The following CFAP299 variants were observed in gnomAD, a reference collection of about 807,000 sequenced individuals.
The protein encoded by CFAP299 is cilia and flagella associated protein 299, also known as cilia- and flagella-associated protein 299.
Under a neutral mutation model 27.0 loss-of-function variants are expected in CFAP299, and 21 were observed. That is an observed-to-expected ratio of 0.78 (90% CI 0.55 to 1.12). The LOEUF is 1.12. CFAP299 is among the 50% of genes most tolerant of loss of function. CFAP299 has a pLI of 0.00. For missense variants in CFAP299, 310 were observed against 276.6 expected, an observed-to-expected ratio of 1.12 and a Z score of -0.86; for synonymous variants, 104 against 98.1, an observed-to-expected ratio of 1.06 and a Z score of -0.36.
At chr4:80,871,467 C>T (rs1284877043) in intron 4 of CFAP299, 2 of 985,260 alleles carry the variant, frequency 2.0e-6, no homozygotes, top group East Asian at 2.3e-4. Flanking sequence ...GGTTTCCAAA[C>T]TCAATTGAGT....
intron 2 of CFAP299, among the ~76,000 whole-genome samples, chr4:80,374,815 AT>A (rs1724324027): frequency 1.3e-5 from 2 of 151,980 alleles, no homozygotes; most frequent in African/African-American, 4.8e-5. Context: ...GAAATATCCT[AT>A]TGGCTAGGGA....
intron 5 of CFAP299, among the ~76,000 whole-genome samples, chr4:80,961,810 A>G (rs576417405): frequency 6.6e-6 from 1 of 152,066 alleles, no homozygotes; most frequent in Non-Finnish European, 1.5e-5. Flanking sequence ...ATAACAACCA[A>G]TAAAAATAAA....
chr4:80,395,978 TTCTC>T (rs1333249986), intron 2 of CFAP299, among the ~76,000 whole-genome samples: 3 of 152,122 alleles, frequency 2.0e-5, no homozygotes, highest in Non-Finnish European at 4.4e-5. Flanking sequence ...CACAATGTCT[TTCTC>T]TCCTTTCTTT....
At chr4:80,850,867 A>T (rs921267449) in intron 3 of CFAP299, among the ~76,000 whole-genome samples, 1 of 152,126 alleles carries the variant, frequency 6.6e-6, no homozygotes, top group African/African-American at 2.4e-5. Context: ...AAGCAAAGAC[A>T]TGGTTTGAGA....
rs566487741 is a variant in CFAP299 at position 80,864,470 on chromosome 4, C to A, written c.334-5523C>A. On this transcript the variant is annotated intron_variant, in intron 3 of 5. Coordinates refer to ENST00000358105, the MANE Select transcript of CFAP299 (RefSeq NM_152770.3). ...TATACCTATATAAGTATATATATAC[C>A]TATGTGTATACATATATACACATAT... Among the ~76,000 whole-genome samples, 13 of 133,312 alleles carry A rather than the reference C, an allele frequency of 9.8e-5. No individual in the cohort carries two copies. In the South Asian group the frequency reaches 2.6e-3, roughly 27 times the overall value. 87.5% of individuals were successfully genotyped at this position (133,312 alleles called of 152,430 possible).
chr4:80,562,125 A>C (rs748414884), intron 2 of CFAP299, among the ~76,000 whole-genome samples: 2 of 152,158 alleles, frequency 1.3e-5, no homozygotes, highest in Non-Finnish European at 2.9e-5. Context: ...TAGTAACCTC[A>C]AGTAAAAAAA....
chr4:80,526,831 A>G (rs1733205943), intron 2 of CFAP299, among the ~76,000 whole-genome samples: 1 of 152,192 alleles, frequency 6.6e-6, no homozygotes, highest in Non-Finnish European at 1.5e-5. Flanking sequence ...CGTTATACAC[A>G]TCATAAGAGC....
At chr4:80,463,965 C>A (rs1196990198) in intron 2 of CFAP299, among the ~76,000 whole-genome samples, 5 of 152,276 alleles carry the variant, frequency 3.3e-5, no homozygotes, top group Non-Finnish European at 7.4e-5. Context: ...CATTTCATTT[C>A]TAAAGTTAAA....
intron 3 of CFAP299, among the ~76,000 whole-genome samples, chr4:80,675,392 G>C (rs1467641089): frequency 1.3e-5 from 2 of 152,180 alleles, no homozygotes; most frequent in Non-Finnish European, 2.9e-5. Flanking sequence ...AGCAAATATT[G>C]CTGCCAGATC....
intron 5 of CFAP299, among the ~76,000 whole-genome samples, chr4:80,959,389 G>T (rs1738227214): frequency 6.6e-6 from 1 of 151,922 alleles, no homozygotes; most frequent in African/African-American, 2.4e-5. Context: ...GTTGTCTAAT[G>T]TCATTAGGCA....
At chr4:80,392,654 C>T (rs779328329) in intron 2 of CFAP299, among the ~76,000 whole-genome samples, 9 of 152,050 alleles carry the variant, frequency 5.9e-5, no homozygotes, top group Non-Finnish European at 5.9e-5. Flanking sequence ...AAGGCCTTCC[C>T]GGCCACGCTG....
At chr4:80,499,739 T>C (rs1052833050) in intron 2 of CFAP299, among the ~76,000 whole-genome samples, 8 of 152,126 alleles carry the variant, frequency 5.3e-5, no homozygotes, top group Non-Finnish European at 1.2e-4. Flanking sequence ...GAGCTACTTC[T>C]GCCATTTTAG....
intron 5 of CFAP299, among the ~76,000 whole-genome samples, chr4:80,946,326 C>T (rs1023779398): frequency 2.6e-5 from 4 of 152,060 alleles, no homozygotes; most frequent in African/African-American, 7.2e-5. Context: ...CAGGGTGATC[C>T]TCATTTTCTT....
At chr4:80,324,363 A>G in the CFAP299 span, among the ~76,000 whole-genome samples, 1 of 152,206 alleles carries the variant, frequency 6.6e-6, no homozygotes, top group African/African-American at 2.4e-5. Context: ...AGCACTCTGC[A>G]ATCAATTTTT....
At chr4:80,418,500 T>A (rs1284414453) in intron 2 of CFAP299, among the ~76,000 whole-genome samples, 2 of 152,208 alleles carry the variant, frequency 1.3e-5, no homozygotes, top group Non-Finnish European at 2.9e-5. Context: ...ATGAGAACGT[T>A]AGAAATGTAC....
At chr4:80,591,210 G>A (rs1205091503) in intron 3 of CFAP299, among the ~76,000 whole-genome samples, 1 of 137,896 alleles carries the variant, frequency 7.3e-6, no homozygotes, top group Non-Finnish European at 1.5e-5. Context: ...TGCAAGCTCC[G>A]CCTCCCGGGT....
At chr4:80,672,986 G>C (rs1281765336) in intron 3 of CFAP299, among the ~76,000 whole-genome samples, 1 of 151,006 alleles carries the variant, frequency 6.6e-6, no homozygotes, top group South Asian at 2.1e-4. Context: ...TTTTTTGAAG[G>C]GTTTTTTTGT....
intron 3 of CFAP299, among the ~76,000 whole-genome samples, chr4:80,683,566 C>A (rs1423938426): frequency 6.6e-6 from 1 of 152,098 alleles, no homozygotes; most frequent in African/African-American, 2.4e-5. Context: ...ATATCTCTTG[C>A]ACATATTTAT....
intron 3 of CFAP299, among the ~76,000 whole-genome samples, chr4:80,752,318 C>T (rs1724979289): frequency 1.3e-5 from 2 of 151,376 alleles, no homozygotes; most frequent in Admixed American, 6.6e-5. Flanking sequence ...CTGAGTGCCA[C>T]GGACCACAGT....
Sources: allele counts gnomAD v4.1 joint callset (sites outside exome capture counted in the v4.1 genomes callset), GRCh38; gene constraint gnomAD v4.1.1; transcripts MANE v1.5; gene names NCBI Gene and HGNC (gene_info 2026-07-23, HGNC 2026-07-21).